The following IQCB1 variants were observed in gnomAD, a reference collection of about 807,000 sequenced individuals.
IQCB1 encodes the protein IQ calmodulin-binding motif-containing protein 1.
IQCB1 carries 56 observed loss-of-function variants against 84.4 expected under a neutral mutation model. The ratio of observed to expected loss-of-function variants is 0.66; its 90% CI spans 0.54 to 0.83. IQCB1 has a LOEUF of 0.83. Ranked by LOEUF, IQCB1 falls within the 40% of genes least tolerant of loss-of-function variation. IQCB1 has a pLI of 0.00. For synonymous variants in IQCB1, 210 were observed against 234.8 expected (o/e 0.89, Z 0.96); for missense variants, 629 against 682.1 (o/e 0.92, Z 0.87).
chr3:121,788,474 T>C (rs751614060), intron 11 of IQCB1, 42 bp from the exon 12 acceptor site: 1 of 1,568,966 alleles, frequency 6.4e-7, no homozygotes, highest in Non-Finnish European at 8.8e-7. Flanking sequence ...CTCACTGCCA[T>C]GCTTTCTTAA....
intron 5 of IQCB1, among the ~76,000 whole-genome samples, chr3:121,824,961 T>A (rs1950411407): frequency 6.6e-6 from 1 of 152,210 alleles, no homozygotes; most frequent in Admixed American, 6.5e-5. Context: ...TGGCACCATA[T>A]TAAATAAAAC....
At chr3:121,775,416 T>C (rs1434120824) in intron 13 of IQCB1, among the ~76,000 whole-genome samples, 1 of 152,096 alleles carries the variant, frequency 6.6e-6, no homozygotes, top group Non-Finnish European at 1.5e-5. Flanking sequence ...TAAGTGGAAG[T>C]TGAACAATGA....
Position 121,790,276 on chromosome 3 carries a change from C to T in IQCB1, c.987-61G>A, listed in dbSNP as rs535394338. ...TAAATCATATGAAAAAATGCATAAC[C>T]TCACTAGTAATCAAATAAATGTAAA... is the stretch of plus-strand genomic sequence containing the variant. On this transcript the variant is annotated intron_variant, in intron 10 of 14. Transcript: ENST00000310864. 1.8e-5 allele frequency: 26 copies of T among 1,445,518 alleles called. 1 individual carries two copies. In the South Asian group the frequency reaches 3.0e-4, roughly 17 times the overall value. 89.5% of individuals were successfully genotyped at this position (1,445,518 alleles called of 1,614,324 possible). A position where few individuals can be genotyped will look rare whatever the true frequency, so the allele number is the denominator to read the frequency against.
chr3:121,829,062 A>C, intron 2 of IQCB1, 90 bp from the exon 3 acceptor site: 1 of 756,122 alleles, frequency 1.3e-6, no homozygotes, highest in South Asian at 1.5e-5. Flanking sequence ...TTCAATATAA[A>C]TAAAAACAGC....
rs754107895 is a variant in IQCB1 at position 121,799,397 on chromosome 3, A to T, written c.588-23T>A. On this transcript the variant is annotated intron_variant, in intron 7 of 14. Coordinates refer to ENST00000310864, the MANE Select transcript of IQCB1 (RefSeq NM_001023570.4). Reference sequence around the variant, plus strand: ...CCACTAATAGAACAAAATAAAAAAAAAAGTACCATTACTAATTGATGTACA... The same window carrying T: ...CCACTAATAGAACAAAATAAAAAAATAAGTACCATTACTAATTGATGTACA... 129 of 1,410,516 alleles carry T rather than the reference A, an allele frequency of 9.1e-5. No homozygotes were observed. In the East Asian group the frequency reaches 2.8e-3, roughly 31 times the overall value. 87.4% of individuals were successfully genotyped at this position (1,410,516 alleles called of 1,614,324 possible). A position where few individuals can be genotyped will look rare whatever the true frequency, so the allele number is the denominator to read the frequency against.
At chr3:121,826,305 T>G in intron 4 of IQCB1, 125 bp from the exon 5 acceptor site, 1 of 972,446 alleles carries the variant, frequency 1.0e-6, no homozygotes, top group South Asian at 1.4e-5. Flanking sequence ...ATAAAGAATT[T>G]TTGTTGAAAA....
intron 5 of IQCB1, among the ~76,000 whole-genome samples, chr3:121,814,417 T>C (rs145205811): frequency 0.015 from 2,300 of 151,842 alleles, 61 homozygotes; most frequent in African/African-American, 0.052. Context: ...TAACTAAGAT[T>C]AGAGCAGAAC....
chr3:121,778,314 C>T (rs1290465411), intron 13 of IQCB1, among the ~76,000 whole-genome samples: 1 of 151,970 alleles, frequency 6.6e-6, no homozygotes, highest in Admixed American at 6.6e-5. Context: ...TATTTTTTCC[C>T]ATTCTATAGG....
chr3:121,781,592 A>G (rs963426315), intron 13 of IQCB1, 151 bp downstream of exon 13: 9 of 748,876 alleles, frequency 1.2e-5, no homozygotes, highest in Non-Finnish European at 2.1e-5. Flanking sequence ...CATTACTTCT[A>G]TGGTAAAGCC....
chr3:121,803,334 A>T (rs1164919136), intron 7 of IQCB1, among the ~76,000 whole-genome samples: 1 of 152,182 alleles, frequency 6.6e-6, no homozygotes, highest in Non-Finnish European at 1.5e-5. Flanking sequence ...TACAGGTGTG[A>T]GCCACCGTGC....
In IQCB1 at chr3:121,778,899, C is replaced by CA. The variant is rs35667822; in HGVS notation, c.1410+2843dup. Among the ~76,000 whole-genome samples the CA allele has an allele frequency of 2.1e-3, 246 of 115,238 alleles. 1 individual carries two copies. Among genetic ancestry groups the CA allele is most frequent in the Middle Eastern group, 0.01 (2 of 194 alleles). 75.6% of individuals were successfully genotyped at this position (115,238 alleles called of 152,430 possible). A position where few individuals can be genotyped will look rare whatever the true frequency, so the allele number is the denominator to read the frequency against. ...GGGTGACAACAGCGAAACTCTGTCT[C>CA]AAAAAAAAAAAAAAAAAGGTATCTT... On this transcript the variant is annotated intron_variant, in intron 13 of 14. Transcript: ENST00000310864.
At chr3:121,815,229 C>A (rs1326722044) in intron 5 of IQCB1, among the ~76,000 whole-genome samples, 1 of 152,148 alleles carries the variant, frequency 6.6e-6, no homozygotes, top group Non-Finnish European at 1.5e-5. Flanking sequence ...GCTAAAAACT[C>A]TCAATGAACT....
chr3:121,802,067 T>C (rs1176302554), intron 7 of IQCB1, among the ~76,000 whole-genome samples: 1 of 152,026 alleles, frequency 6.6e-6, no homozygotes, highest in Non-Finnish European at 1.5e-5. Flanking sequence ...CTATCTATGT[T>C]TATGAATATA....
At chr3:121,775,020 T>C (rs1160643280) in intron 13 of IQCB1, among the ~76,000 whole-genome samples, 1 of 152,196 alleles carries the variant, frequency 6.6e-6, no homozygotes, top group Non-Finnish European at 1.5e-5. Flanking sequence ...ATGTAATTTT[T>C]ATAAAGGTGA....
chr3:121,834,196 A>C (rs183797214), intron 2 of IQCB1, 195 bp downstream of exon 2: 1 of 152,356 alleles, frequency 6.6e-6, no homozygotes, highest in Admixed American at 6.5e-5. Flanking sequence ...AAATCAATTG[A>C]CAAATGTGCC....
At chr3:121,802,841 C>A (rs1421419125) in intron 7 of IQCB1, among the ~76,000 whole-genome samples, 3 of 152,086 alleles carry the variant, frequency 2.0e-5, no homozygotes, top group Non-Finnish European at 2.9e-5. Flanking sequence ...TTAAGAATTT[C>A]CCCAGAAATT....
chr3:121,779,919 A>C (rs1283556964), intron 13 of IQCB1, among the ~76,000 whole-genome samples: 3 of 152,206 alleles, frequency 2.0e-5, no homozygotes, highest in African/African-American at 4.8e-5. Context: ...TTTCTCCAGC[A>C]TATTTGATGG....
chr3:121,781,013 G>A (rs1948463042), intron 13 of IQCB1, among the ~76,000 whole-genome samples: 1 of 152,230 alleles, frequency 6.6e-6, no homozygotes. Context: ...AGATTGAAAT[G>A]TATAAACTGC....
chr3:121,791,279 A>C (rs1948960186), intron 10 of IQCB1, among the ~76,000 whole-genome samples: 1 of 152,180 alleles, frequency 6.6e-6, no homozygotes, highest in South Asian at 2.1e-4. Flanking sequence ...TGTACTCTTA[A>C]TAGTCAGACT....
Sources: allele counts gnomAD v4.1 joint callset (sites outside exome capture counted in the v4.1 genomes callset), GRCh38; gene constraint gnomAD v4.1.1; transcripts MANE v1.5; gene names NCBI Gene and HGNC (gene_info 2026-07-23, HGNC 2026-07-21).